Variants in DNAJC10 observed in about 807,000 individuals in gnomAD.
The protein encoded by DNAJC10 is DnaJ heat shock protein family (Hsp40) member C10.
DNAJC10 carries 101 observed loss-of-function variants against 115.0 expected under a neutral mutation model. The ratio of observed to expected loss-of-function variants is 0.88; its 90% CI spans 0.75 to 1.04. The LOEUF (loss-of-function observed/expected upper bound fraction) is 1.04, where lower values mean the gene tolerates loss of function less well. Among genes scored for constraint, DNAJC10 ranks in the 50% least tolerant of loss-of-function variants. The probability of loss-of-function intolerance (pLI) is 0.00; values close to 1 mark genes in which losing one functional copy is unlikely to be tolerated. For missense variants in DNAJC10, 981 were observed against 928.8 expected (o/e 1.06, Z -0.73); for synonymous variants, 307 against 301.5 (o/e 1.02, Z -0.19).
chr2:182,775,470 CA>C (rs746596921), intron 23 of DNAJC10, 50 bp downstream of exon 23: 2 of 1,238,554 alleles, frequency 1.6e-6, no homozygotes, highest in Admixed American at 1.8e-5. Context: ...CAAAAGTTAG[CA>C]AAATCTATTT....
intron 22 of DNAJC10, among the ~76,000 whole-genome samples, 197 bp from the exon 23 acceptor site, chr2:182,775,119 T>A (rs190922136): frequency 1.3e-5 from 2 of 152,154 alleles, no homozygotes; most frequent in Non-Finnish European, 2.9e-5. Context: ...CGTGACACTA[T>A]TATTAGTATT....
Position 182,762,796 on chromosome 2 carries a change from G to C in DNAJC10, c.2260G>C (p.Ala754Pro). The change falls in exon 22 of 24, where the codon GCA becomes CCA. Residue 754 changes from alanine to proline, a missense_variant. By Grantham distance (27) the Ala-to-Pro change is conservative. Transcript: ENST00000264065. ...TGTTAAATTTTATTTCTACGAAAGA[G>C]CAAAGGTATGTCCAGACTTTCCTCT... Reference protein sequence around the residue: ...PTVKFYFYERAKRNFQEEQIN... With the variant: ...PTVKFYFYERPKRNFQEEQIN... 6.2e-7 allele frequency: 1 copy of C among 1,611,504 alleles called. No individual in the cohort carries two copies. Among genetic ancestry groups the C allele is most frequent in the Admixed American group, 1.7e-5 (1 of 59,928 alleles).
At chr2:182,771,107 T>G (rs1313161238) in intron 22 of DNAJC10, among the ~76,000 whole-genome samples, 1 of 152,198 alleles carries the variant, frequency 6.6e-6, no homozygotes, top group Non-Finnish European at 1.5e-5. Flanking sequence ...AAGGATTACA[T>G]TTATTGATTT....
At chr2:182,731,868 G>A (rs1410725667) in intron 9 of DNAJC10, among the ~76,000 whole-genome samples, 5 of 152,040 alleles carry the variant, frequency 3.3e-5, no homozygotes. Flanking sequence ...AATCACCAAG[G>A]GATTTTGTCT....
At chr2:182,718,395 T>G in intron 3 of DNAJC10, 105 bp downstream of exon 3, 2 of 952,084 alleles carry the variant, frequency 2.1e-6, no homozygotes, top group Non-Finnish European at 3.0e-6. Flanking sequence ...TAATCATATG[T>G]CAAAATTATA....
intron 11 of DNAJC10, among the ~76,000 whole-genome samples, chr2:182,738,912 A>G (rs1024752711): frequency 6.6e-6 from 1 of 152,114 alleles, no homozygotes; most frequent in African/African-American, 2.4e-5. Flanking sequence ...CAGAGGCTAG[A>G]TAAGACAGCA....
At position 182,720,176 on chromosome 2, in the gene DNAJC10, T is replaced by C. The variant is rs372983378; in HGVS notation, c.367+7T>C. The C allele has an allele frequency of 1.9e-5, 31 of 1,598,896 alleles. No individual in the cohort carries two copies. The African/African-American group carries it at 2.8e-4, about 15-fold the overall frequency. Reference sequence around the variant, plus strand: ...TATTATCGTTATGATTTTGGTAAGGTGATACGATATTACTTATGAAATGTG... The same window carrying C: ...TATTATCGTTATGATTTTGGTAAGGCGATACGATATTACTTATGAAATGTG... On this transcript the variant is annotated splice_region_variant and intron_variant, in intron 4 of 23. Transcript: ENST00000264065.
chr2:182,719,455 A>G (rs1400799774), intron 3 of DNAJC10, among the ~76,000 whole-genome samples: 1 of 151,698 alleles, frequency 6.6e-6, no homozygotes, highest in Non-Finnish European at 1.5e-5. Context: ...GGGCTTCACC[A>G]TGTTGGCCAG....
Position 182,728,942 on chromosome 2 carries a change from G to T in DNAJC10, c.581G>T (p.Arg194Leu). 1.9e-6 allele frequency: 3 copies of T among 1,613,982 alleles called. No homozygotes were observed. The East Asian group carries it at 6.7e-5, about 36-fold the overall frequency. ...VNCGDDRMLC[R>L]MKGVNSYPSL... is the part of the protein sequence containing the mutation. ...TGTGGTGATGATAGAATGCTTTGCC[G>T]AATGAAAGGAGTCAACAGCTATCCC... Residue 194 changes from arginine to leucine, a missense_variant, in exon 7 of 24, where the codon CGA becomes CTA. By Grantham distance (102) the Arg-to-Leu change is moderately radical. Transcript: ENST00000264065.
In DNAJC10 at chr2:182,720,050, C is replaced by A. The variant is rs753399511; in HGVS notation, c.248C>A (p.Ala83Glu). 6.3e-7 allele frequency: 1 copy of A among 1,592,572 alleles called. No homozygotes were observed. The highest frequency in any genetic ancestry group is 8.6e-7 in the Non-Finnish European group (1 of 1,161,520). Residue 83 changes from alanine (A) to glutamate (E), a missense_variant, in exon 4 of 24, where the codon GCA (alanine) becomes GAA (glutamate). Transcript: ENST00000264065. Reference sequence around the variant, plus strand: ...GGCGATTTTTTAAAAATAAATAGAGCATATGAAGTACTCAAAGATGAAGAT... The same window carrying A: ...GGCGATTTTTTAAAAATAAATAGAGAATATGAAGTACTCAAAGATGAAGAT... ...AHGDFLKINR[A>E]YEVLKDEDLR...
chr2:182,725,042 C>G (rs935228552), intron 5 of DNAJC10, among the ~76,000 whole-genome samples: 1 of 152,132 alleles, frequency 6.6e-6, no homozygotes, highest in Non-Finnish European at 1.5e-5. Context: ...ATAGCATGTG[C>G]TCATTTCATG....
At chr2:182,741,146 G>T (rs1693727861) in intron 12 of DNAJC10, 97 bp from the exon 13 acceptor site, 1 of 736,856 alleles carries the variant, frequency 1.4e-6, no homozygotes, top group South Asian at 1.8e-5. Flanking sequence ...GAAATAATGG[G>T]TAGGGGAGCT....
intron 5 of DNAJC10, among the ~76,000 whole-genome samples, chr2:182,723,312 C>G (rs1162115193): frequency 6.6e-6 from 1 of 152,166 alleles, no homozygotes; most frequent in Admixed American, 6.5e-5. Context: ...TCCCAAAGTG[C>G]CAGGATTACA....
chr2:182,740,843 A>G (rs1693715601), intron 12 of DNAJC10, among the ~76,000 whole-genome samples: 1 of 152,160 alleles, frequency 6.6e-6, no homozygotes, highest in African/African-American at 2.4e-5. Context: ...AAGTAGTGGC[A>G]AAAACCACAG....
rs1270737906 is a variant in DNAJC10 at position 182,779,179 on chromosome 2, AAC to A, written c.*2050_*2051del. 1 of 152,196 alleles carries A rather than the reference AAC, an allele frequency of 6.6e-6. No homozygotes were observed. Among genetic ancestry groups the A allele is most frequent in the Non-Finnish European group, 1.5e-5 (1 of 68,032 alleles). The allele number at this position is 152,196 out of a possible 1,614,324, so 9.4% of individuals were successfully genotyped here. A position where few individuals can be genotyped will look rare whatever the true frequency, so the allele number is the denominator to read the frequency against. ...GGGCCCCCTGGGAGTCATGTTAAGA[AAC>A]ACGTATCATAAAGTGACATACATCA... On this transcript the variant is annotated 3_prime_UTR_variant, in exon 24 of 24. Coordinates refer to ENST00000264065, the MANE Select transcript of DNAJC10 (RefSeq NM_018981.4).
chr2:182,743,096 C>T (rs904485109), intron 13 of DNAJC10, among the ~76,000 whole-genome samples: 31 of 152,288 alleles, frequency 2.0e-4, no homozygotes, highest in African/African-American at 7.5e-4. Context: ...ATTCAGCTAC[C>T]TCAGCCTCCC....
rs1694870827 is a variant in DNAJC10, at chr2:182,782,450, T to G, written c.*5318T>G. 2 of 152,208 alleles carry G rather than the reference T, an allele frequency of 1.3e-5. No individual in the cohort carries two copies. The highest frequency in any genetic ancestry group is 4.8e-5 in the African/African-American group (2 of 41,458). 9.4% of individuals were successfully genotyped at this position (152,208 alleles called of 1,614,324 possible). On this transcript the variant is annotated 3_prime_UTR_variant, in exon 24 of 24. Transcript: ENST00000264065. The stretch of plus-strand genomic sequence containing the variant: ...AATTTAAAGTAGTTTTTTCCAATTC[T>G]GTGAAGAAAGTCAATGGTAGCTTGA...
At position 182,724,650 on chromosome 2, in the gene DNAJC10, T is replaced by C. The variant is rs559989022; in HGVS notation, c.418+2575T>C. ...ATCTGTACCTTACAGGCAAAGTAATTACATTTTACTTTGCTAATAGAAGCT... is the reference window on the plus strand; with the variant it reads ...ATCTGTACCTTACAGGCAAAGTAATCACATTTTACTTTGCTAATAGAAGCT... On this transcript the variant is annotated intron_variant, in intron 5 of 23. Coordinates refer to ENST00000264065, the MANE Select transcript of DNAJC10 (RefSeq NM_018981.4). Among the ~76,000 whole-genome samples, 12 of 152,282 alleles carry C rather than the reference T, an allele frequency of 7.9e-5. No homozygotes were observed. The Middle Eastern group carries it at 0.014, about 173-fold the overall frequency.
chr2:182,732,420 T>A (rs747990022), intron 9 of DNAJC10, 79 bp from the exon 10 acceptor site: 5 of 1,380,382 alleles, frequency 3.6e-6, no homozygotes, highest in Admixed American at 1.7e-5. Flanking sequence ...ACATGGTAAT[T>A]TGGGGGAAAG....
Sources: allele counts gnomAD v4.1 joint callset (sites outside exome capture counted in the v4.1 genomes callset), GRCh38; gene constraint gnomAD v4.1.1; transcripts MANE v1.5; gene names NCBI Gene and HGNC (gene_info 2026-07-23, HGNC 2026-07-21).